The following CASZ1 variants were observed in gnomAD, a reference collection of about 807,000 sequenced individuals.
The protein encoded by CASZ1 is castor zinc finger 1, also known as zinc finger protein castor homolog 1.
Under a neutral mutation model 135.2 loss-of-function variants are expected in CASZ1, and 28 were observed. The observed-to-expected ratio is 0.21, with a 90% CI of 0.15 to 0.28. CASZ1 has a LOEUF of 0.28. CASZ1 is among the 10% of genes least tolerant of loss of function. CASZ1 has a pLI of 1.00. For missense variants in CASZ1, 2,161 were observed against 2,453.3 expected (o/e 0.88, Z 2.52); for synonymous variants, 1,068 against 1,073.4 (o/e 0.99, Z 0.10).
At chr1:10,659,434 C>T (rs1427884056) in intron 6 of CASZ1, among the ~76,000 whole-genome samples, 2 of 152,210 alleles carry the variant, frequency 1.3e-5, no homozygotes, top group Non-Finnish European at 2.9e-5. Flanking sequence ...GCGAGGTGCA[C>T]GCGCAGGTCC....
At chr1:10,790,460 C>T (rs1640936244) in intron 1 of CASZ1, among the ~76,000 whole-genome samples, 1 of 152,220 alleles carries the variant, frequency 6.6e-6, no homozygotes, top group African/African-American at 2.4e-5. Context: ...TCTTCGGTTC[C>T]CTCTGCTCAT....
chr1:10,723,829 G>A (rs952419106), intron 2 of CASZ1, among the ~76,000 whole-genome samples: 1 of 152,176 alleles, frequency 6.6e-6, no homozygotes, highest in Non-Finnish European at 1.5e-5. Context: ...CAACCTGGCT[G>A]CTCTCACGGT....
chr1:10,778,723 G>A (rs1256319677), intron 1 of CASZ1, among the ~76,000 whole-genome samples: 2 of 152,284 alleles, frequency 1.3e-5, no homozygotes, highest in East Asian at 1.9e-4. Flanking sequence ...CTCTTGATCC[G>A]TGTGGAATTC....
chr1:10,668,358 C>A (rs905110099), intron 4 of CASZ1, among the ~76,000 whole-genome samples: 1 of 152,220 alleles, frequency 6.6e-6, no homozygotes, highest in Non-Finnish European at 1.5e-5. Flanking sequence ...GGAAGCCATC[C>A]GTCCCCGGCC....
chr1:10,792,708 A>G, intron 1 of CASZ1, among the ~76,000 whole-genome samples: 1 of 92,232 alleles, frequency 1.1e-5, no homozygotes, highest in East Asian at 3.2e-4. Flanking sequence ...CCCACCCCCA[A>G]CCAGTCACAA....
intron 2 of CASZ1, among the ~76,000 whole-genome samples, chr1:10,733,237 T>G (rs1018784945): frequency 6.6e-6 from 1 of 151,920 alleles, no homozygotes; most frequent in African/African-American, 2.4e-5. Flanking sequence ...ACACCCAGAG[T>G]CCCCAGGACA....
At chr1:10,784,387 A>C (rs710138) in intron 1 of CASZ1, among the ~76,000 whole-genome samples, 1 of 152,092 alleles carries the variant, frequency 6.6e-6, no homozygotes, top group Non-Finnish European at 1.5e-5. Context: ...TGCCCAGCAC[A>C]GGACCTCCAG....
Position 10,638,902 on chromosome 1 carries a change from C to A in CASZ1, c.*40G>T, listed in dbSNP as rs1424941491. ...GCGCGGGGCGGCGCCGCTCCCGAGG[C>A]CGAGGCCGAGGCCGCCGCCAGGGCC... On this transcript the variant is annotated 3_prime_UTR_variant, in exon 21 of 21. Transcript: ENST00000377022. This position sits in a 1 kb window ranked among gnomAD's most constrained non-coding sequence, Gnocchi z 5.9. The A allele has an allele frequency of 3.5e-5, 34 of 980,122 alleles. No individual in the cohort carries two copies. The highest frequency in any genetic ancestry group is 3.5e-5 in the Non-Finnish European group (29 of 828,354). 60.7% of individuals were successfully genotyped at this position (980,122 alleles called of 1,614,324 possible). A position where few individuals can be genotyped will look rare whatever the true frequency, so the allele number is the denominator to read the frequency against.
At chr1:10,667,393 C>T (rs1188194980) in intron 4 of CASZ1, among the ~76,000 whole-genome samples, 1 of 152,212 alleles carries the variant, frequency 6.6e-6, no homozygotes, top group East Asian at 1.9e-4. Flanking sequence ...GCTTCAGGGC[C>T]TTAGACACTT....
chr1:10,718,216 G>A (rs1444697123), intron 2 of CASZ1, among the ~76,000 whole-genome samples: 2 of 152,126 alleles, frequency 1.3e-5, no homozygotes, highest in South Asian at 2.1e-4. Flanking sequence ...CTCCCCTTCC[G>A]CCCTGTTGCC....
Position 10,788,899 on chromosome 1 carries a change from G to A in CASZ1, c.-234+7665C>T, listed in dbSNP as rs552499656. Among the ~76,000 whole-genome samples, 2 of 152,224 alleles carry A rather than the reference G, an allele frequency of 1.3e-5. No individual in the cohort carries two copies. The highest frequency in any genetic ancestry group is 2.1e-4 in the South Asian group (1 of 4,834). On this transcript the variant is annotated intron_variant, in intron 1 of 20. Transcript: ENST00000377022. This position sits in a 1 kb window ranked among gnomAD's most constrained non-coding sequence, Gnocchi z 4.1. ...AGAGGGGAAGCCAGCAGCCGCTGCC[G>A]CTCTGCAGAACCTCGCAGATCCTCT...
chr1:10,743,562 G>A (rs985626328), intron 2 of CASZ1, among the ~76,000 whole-genome samples: 2 of 149,968 alleles, frequency 1.3e-5, no homozygotes, highest in Non-Finnish European at 2.9e-5. Flanking sequence ...ACAGAGTTGA[G>A]CCATTTCAAT....
chr1:10,685,766 C>G (rs1235900506), intron 4 of CASZ1, among the ~76,000 whole-genome samples: 1 of 152,264 alleles, frequency 6.6e-6, no homozygotes, highest in Admixed American at 6.5e-5. Context: ...CCCCTGTCCA[C>G]TCCAGTCAGC....
rs2100426987 is a variant in CASZ1, at chr1:10,699,389, C to G, written c.-23-5477G>C. Among the ~76,000 whole-genome samples the G allele has an allele frequency of 1.3e-5, 2 of 152,338 alleles. No homozygotes were observed. The highest frequency in any genetic ancestry group is 4.8e-5 in the African/African-American group (2 of 41,570). On this transcript the variant is annotated intron_variant, in intron 3 of 20. Transcript: ENST00000377022. The surrounding 1 kb of genome is among the most constrained non-coding windows in gnomAD (Gnocchi z 4.6). ...CCCCAACCCCCACATCCCACTTACC[C>G]TGCTCTAAAAGGTGCTCTCAGAGTC... is the stretch of plus-strand genomic sequence containing the variant.
At chr1:10,645,624 C>T (rs976734486) in intron 17 of CASZ1, among the ~76,000 whole-genome samples, 4 of 152,200 alleles carry the variant, frequency 2.6e-5, no homozygotes, top group Non-Finnish European at 5.9e-5. Context: ...GAGCAGACAT[C>T]GCGAATCTAT....
In CASZ1 at chr1:10,735,807, G is replaced by A. The variant is rs1407267310; in HGVS notation, c.-77+24894C>T. 3.9e-5 allele frequency among the ~76,000 whole-genome samples: 6 copies of A among 152,128 alleles called. No homozygotes were observed. Among genetic ancestry groups the A allele is most frequent in the South Asian group, 4.1e-4 (2 of 4,820 alleles). On this transcript the variant is annotated intron_variant, in intron 2 of 20. Coordinates refer to ENST00000377022, the MANE Select transcript of CASZ1 (RefSeq NM_001079843.3). This position sits in a 1 kb window ranked among gnomAD's most constrained non-coding sequence, Gnocchi z 5.1. ...GTGCCTCGCTCTGGGCTGCACCAAG[G>A]GGACACTGGGAGTTGTAGGTAGTCA...
chr1:10,790,852 G>A (rs1413363319), intron 1 of CASZ1, among the ~76,000 whole-genome samples: 2 of 151,846 alleles, frequency 1.3e-5, no homozygotes, highest in Non-Finnish European at 2.9e-5. Context: ...GGGGGCGAGC[G>A]AGCCCTGGAG....
chr1:10,696,952 G>A (rs957504175), intron 3 of CASZ1, among the ~76,000 whole-genome samples: 5 of 152,216 alleles, frequency 3.3e-5, no homozygotes, highest in African/African-American at 7.2e-5. Context: ...GAGGAATGGC[G>A]GAAGGGACAG....
intron 1 of CASZ1, among the ~76,000 whole-genome samples, chr1:10,787,704 A>C (rs1393295972): frequency 6.6e-6 from 1 of 152,096 alleles, no homozygotes; most frequent in African/African-American, 2.4e-5. Flanking sequence ...GACCATCAGC[A>C]AAGAGGCAGC....
Sources: allele counts gnomAD v4.1 joint callset (sites outside exome capture counted in the v4.1 genomes callset), GRCh38; gene constraint gnomAD v4.1.1; non-coding constraint Gnocchi (gnomAD v3.1); transcripts MANE v1.5; gene names NCBI Gene and HGNC (gene_info 2026-07-23, HGNC 2026-07-21).